PTPRN2: variants seen among roughly 807,000 people sequenced by gnomAD.
PTPRN2 encodes the protein receptor-type tyrosine-protein phosphatase N2.
Under a neutral mutation model 118.8 loss-of-function variants are expected in PTPRN2, and 74 were observed. The observed-to-expected ratio is 0.62, with a 90% CI of 0.52 to 0.76. The LOEUF (loss-of-function observed/expected upper bound fraction) is 0.76, where lower values mean the gene tolerates loss of function less well. PTPRN2 is among the 30% of genes least tolerant of loss of function. The probability of loss-of-function intolerance (pLI) is 0.00; values close to 1 mark genes in which losing one functional copy is unlikely to be tolerated. For missense variants in PTPRN2, 1,481 were observed against 1,394.4 expected, an observed-to-expected ratio of 1.06 and a Z score of -0.99; for synonymous variants, 641 against 608.0, an observed-to-expected ratio of 1.05 and a Z score of -0.80.
At chr7:157,969,818 C>T (rs1403329669) in intron 11 of PTPRN2, among the ~76,000 whole-genome samples, 3 of 151,874 alleles carry the variant, frequency 2.0e-5, no homozygotes, top group South Asian at 2.1e-4. Flanking sequence ...AGTCACAGAC[C>T]TGGATGTTGA....
chr7:158,071,385 G>C (rs191719800), intron 11 of PTPRN2, among the ~76,000 whole-genome samples: 49 of 39,870 alleles, frequency 1.2e-3, no homozygotes, highest in South Asian at 2.8e-3. Context: ...GGAGGTGCTC[G>C]TGGTGGAGGT....
At chr7:158,145,378 G>A (rs111701753) in intron 6 of PTPRN2, among the ~76,000 whole-genome samples, 2 of 151,750 alleles carry the variant, frequency 1.3e-5, no homozygotes, top group African/African-American at 2.4e-5. Context: ...ACATCATCGT[G>A]AGAAGGGGCG....
At chr7:158,399,152 C>A (rs1053992621) in intron 2 of PTPRN2, among the ~76,000 whole-genome samples, 1 of 152,150 alleles carries the variant, frequency 6.6e-6, no homozygotes, top group Non-Finnish European at 1.5e-5. Flanking sequence ...GCTGTCAGGG[C>A]TCTTTCATTA....
At chr7:158,503,267 A>C (rs966337942) in intron 1 of PTPRN2, among the ~76,000 whole-genome samples, 24 of 152,258 alleles carry the variant, frequency 1.6e-4, no homozygotes, top group Non-Finnish European at 2.9e-5. Context: ...ATCCATGTGT[A>C]ATTCCAAACT....
At chr7:157,991,441 T>G (rs1804243623) in intron 11 of PTPRN2, among the ~76,000 whole-genome samples, 1 of 152,250 alleles carries the variant, frequency 6.6e-6, no homozygotes. Flanking sequence ...GGTGGAGTCC[T>G]GGCCCCACCC....
intron 3 of PTPRN2, among the ~76,000 whole-genome samples, chr7:158,257,259 C>G (rs751550349): frequency 6.6e-6 from 1 of 152,190 alleles, no homozygotes; most frequent in Non-Finnish European, 1.5e-5. Context: ...GAACCCGACC[C>G]CTCAGGTTTG....
At chr7:158,251,249 G>A (rs1038949531) in intron 3 of PTPRN2, among the ~76,000 whole-genome samples, 8 of 152,124 alleles carry the variant, frequency 5.3e-5, no homozygotes, top group African/African-American at 1.9e-4. Flanking sequence ...AGGTCCCTGG[G>A]GTGCTTTGGA....
chr7:158,436,129 C>T (rs1000494884), intron 2 of PTPRN2, among the ~76,000 whole-genome samples: 2 of 152,170 alleles, frequency 1.3e-5, no homozygotes, highest in East Asian at 1.9e-4. Flanking sequence ...CACGCATTAT[C>T]GCATCCTGGA....
At position 158,246,274 on chromosome 7, in the gene PTPRN2, A is replaced by G. The variant is rs1009548768; in HGVS notation, c.278-41001T>C. Among the ~76,000 whole-genome samples, 18 of 151,884 alleles carry G rather than the reference A, an allele frequency of 1.2e-4. 1 individual carries two copies. The highest frequency in any genetic ancestry group is 3.6e-4 in the African/African-American group (15 of 41,256). ...ACTCATCACTTGAAGGAAGAGGGGG[A>G]AAAATCCATGTTATGGAAATGGCAG... On this transcript the variant is annotated intron_variant, in intron 3 of 22. Coordinates refer to ENST00000389418, the MANE Select transcript of PTPRN2 (RefSeq NM_002847.5).
chr7:157,672,593 GC>G (rs1344004520), intron 13 of PTPRN2, among the ~76,000 whole-genome samples: 3 of 152,168 alleles, frequency 2.0e-5, no homozygotes, highest in Admixed American at 2.0e-4. Flanking sequence ...CCACTCTCCT[GC>G]ATCATCGTCT....
intron 9 of PTPRN2, among the ~76,000 whole-genome samples, chr7:158,132,181 TAC>T (rs200883212): frequency 0.019 from 2,806 of 148,222 alleles, 71 homozygotes; most frequent in African/African-American, 0.059. Context: ...CACACACATA[TAC>T]ACACACACGC....
chr7:157,543,063 G>C (rs11768104), intron 22 of PTPRN2, among the ~76,000 whole-genome samples: 46,202 of 152,152 alleles, frequency 0.3, 7,751 homozygotes, highest in Non-Finnish European at 0.39. Context: ...TAGATCCCGG[G>C]TAGGCTGGGA....
At chr7:157,856,509 A>G (rs1809723283) in intron 12 of PTPRN2, among the ~76,000 whole-genome samples, 2 of 152,184 alleles carry the variant, frequency 1.3e-5, no homozygotes, top group South Asian at 2.1e-4. Context: ...ACCCTCTTAC[A>G]TGAGTTTGCC....
At chr7:158,124,396 C>T (rs556066293) in intron 9 of PTPRN2, among the ~76,000 whole-genome samples, 18 of 152,346 alleles carry the variant, frequency 1.2e-4, no homozygotes, top group East Asian at 1.2e-3. Context: ...AGCACTACTG[C>T]CCCTTTCTGG....
intron 2 of PTPRN2, among the ~76,000 whole-genome samples, chr7:158,408,870 C>A (rs1187775535): frequency 6.6e-6 from 1 of 152,082 alleles, no homozygotes; most frequent in African/African-American, 2.4e-5. Context: ...ACACGACTCA[C>A]CCCAGTCATA....
chr7:157,927,047 G>A (rs1043118406), intron 11 of PTPRN2, among the ~76,000 whole-genome samples: 16 of 131,372 alleles, frequency 1.2e-4, no homozygotes, highest in Admixed American at 3.0e-4. Flanking sequence ...CCAGGGACCC[G>A]TCTGAGAGCA....
intron 1 of PTPRN2, among the ~76,000 whole-genome samples, chr7:158,582,460 C>T (rs10242842): frequency 1.3e-5 from 2 of 151,976 alleles, no homozygotes; most frequent in East Asian, 3.9e-4. Context: ...TGGCTATGCA[C>T]GTAATCCCAG....
chr7:158,277,655 A>C (rs968392), intron 3 of PTPRN2, among the ~76,000 whole-genome samples: 1 of 152,216 alleles, frequency 6.6e-6, no homozygotes, highest in Non-Finnish European at 1.5e-5. Flanking sequence ...GGGCTGGGAC[A>C]TATAGCTCTG....
intron 2 of PTPRN2, among the ~76,000 whole-genome samples, chr7:158,324,386 G>A (rs1489243918): frequency 1.3e-5 from 2 of 152,184 alleles, no homozygotes; most frequent in African/African-American, 4.8e-5. Context: ...GATGTCCGTG[G>A]AAGTGTTTAA....
Sources: gnomAD v4.1 joint callset for allele counts (sites outside exome capture counted in the v4.1 genomes callset) on GRCh38, gnomAD v4.1.1 for gene constraint, MANE v1.5 for transcripts, NCBI Gene and HGNC (gene_info 2026-07-23, HGNC 2026-07-21) for gene names.